Variants in MYOM1 observed in about 807,000 individuals in gnomAD.
MYOM1 encodes myomesin 1.
In MYOM1, 164 loss-of-function variants were observed where a neutral mutation model predicts 205.3. The observed-to-expected ratio is 0.80, with a 90% CI of 0.70 to 0.91. The LOEUF (loss-of-function observed/expected upper bound fraction) is 0.91. Among genes scored for constraint, MYOM1 ranks in the 40% least tolerant of loss-of-function variants. The probability of loss-of-function intolerance (pLI) is 0.00; values close to 1 mark genes in which losing one functional copy is unlikely to be tolerated. For missense variants in MYOM1, 2,011 were observed against 2,127.3 expected (o/e 0.95, Z 1.08); for synonymous variants, 772 against 789.4 (o/e 0.98, Z 0.37).
At chr18:3,186,810 A>AAG (rs1567956824) in intron 5 of MYOM1, among the ~76,000 whole-genome samples, 2 of 144,698 alleles carry the variant, frequency 1.4e-5, no homozygotes, top group Admixed American at 6.7e-5. Context: ...AAGAGAAAGA[A>AAG]AGAAAGAAAG....
intron 16 of MYOM1, among the ~76,000 whole-genome samples, chr18:3,132,202 A>G (rs2079888676): frequency 1.3e-5 from 2 of 150,878 alleles, no homozygotes; most frequent in African/African-American, 4.9e-5. Flanking sequence ...CCCAGGCTGG[A>G]GTGCAGTAGT....
chr18:3,095,633 G>A (rs531858796), intron 25 of MYOM1, among the ~76,000 whole-genome samples: 113 of 152,244 alleles, frequency 7.4e-4, no homozygotes, highest in African/African-American at 2.6e-3. Flanking sequence ...TGTGAATAGT[G>A]GTCTGTGTTC....
At chr18:3,195,896 T>C (rs2080986152) in intron 2 of MYOM1, among the ~76,000 whole-genome samples, 1 of 152,172 alleles carries the variant, frequency 6.6e-6, no homozygotes, top group African/African-American at 2.4e-5. Context: ...TTTTTAATAG[T>C]TGAACTTTAT....
chr18:3,152,084 A>T lies in MYOM1; in HGVS notation c.1644-191T>A, dbSNP rs1376257066. ...TCAAATGCACTGTGTCTTCTTTACCAAGAGGAAAGAAGCCTCAGGTCCTTC... is the reference window on the plus strand; with the variant it reads ...TCAAATGCACTGTGTCTTCTTTACCTAGAGGAAAGAAGCCTCAGGTCCTTC... On this transcript the variant is annotated intron_variant, in intron 11 of 37. Transcript: ENST00000356443. The surrounding 1 kb of genome is among the most constrained non-coding windows in gnomAD (Gnocchi z 4.3). Among the ~76,000 whole-genome samples, 2 of 152,082 alleles carry T rather than the reference A, an allele frequency of 1.3e-5. No individual in the cohort carries two copies. The highest frequency in any genetic ancestry group is 2.9e-5 in the Non-Finnish European group (2 of 68,020).
At chr18:3,090,889 A>AC (rs1241042638) in intron 26 of MYOM1, 87 bp from the exon 27 acceptor site, 2 of 1,532,648 alleles carry the variant, frequency 1.3e-6, no homozygotes, top group Non-Finnish European at 8.9e-7. Context: ...ATAAAAATAA[A>AC]CCCCAAAGGC....
intron 2 of MYOM1, among the ~76,000 whole-genome samples, chr18:3,195,386 T>C (rs1208077367): frequency 6.6e-6 from 1 of 152,190 alleles, no homozygotes; most frequent in East Asian, 1.9e-4. Context: ...AGGGTGACAT[T>C]TGTTCCTGGC....
chr18:3,246,643 C>T, the MYOM1 span: 5 of 152,192 alleles, frequency 3.3e-5, no homozygotes, highest in African/African-American at 1.2e-4. Context: ...TACTATTCCG[C>T]GGCGTTTACA....
chr18:3,211,487 C>T (rs1160592659), intron 2 of MYOM1, among the ~76,000 whole-genome samples: 1 of 152,176 alleles, frequency 6.6e-6, no homozygotes, highest in African/African-American at 2.4e-5. Context: ...CTACTGAAAC[C>T]ATTCATGGAC....
chr18:3,206,901 A>G (rs2081130038), intron 2 of MYOM1, among the ~76,000 whole-genome samples: 1 of 152,180 alleles, frequency 6.6e-6, no homozygotes, highest in South Asian at 2.1e-4. Flanking sequence ...TGATGTCAAA[A>G]TAAATAGCCT....
intron 23 of MYOM1, among the ~76,000 whole-genome samples, 175 bp downstream of exon 23, chr18:3,102,299 C>T (rs948607469): frequency 2.4e-4 from 36 of 152,022 alleles, no homozygotes; most frequent in Admixed American, 1.3e-4. Flanking sequence ...CCACCGCGCT[C>T]GGCCTAGGAT....
intron 2 of MYOM1, among the ~76,000 whole-genome samples, chr18:3,194,796 C>A (rs1400776083): frequency 7.9e-6 from 1 of 125,788 alleles, no homozygotes; most frequent in Non-Finnish European, 1.8e-5. Flanking sequence ...AATCCATGAA[C>A]TTGGGGCTAA....
At chr18:3,203,721 C>A (rs943559894) in intron 2 of MYOM1, among the ~76,000 whole-genome samples, 1 of 148,470 alleles carries the variant, frequency 6.7e-6, no homozygotes, top group African/African-American at 2.5e-5. Context: ...TAATACCAAT[C>A]ATTTCTCTTT....
intron 8 of MYOM1, among the ~76,000 whole-genome samples, chr18:3,171,045 G>T (rs1026440634): frequency 1.3e-5 from 2 of 152,062 alleles, no homozygotes; most frequent in Non-Finnish European, 2.9e-5. Flanking sequence ...ATGCTATTAG[G>T]TAAGTACCAC....
Position 3,201,651 on chromosome 18 carries a change from C to CT in MYOM1, c.291-7694dup, listed in dbSNP as rs1196638648. Among the ~76,000 whole-genome samples, 1,088 of 141,664 alleles carry CT rather than the reference C, an allele frequency of 7.7e-3. 10 individuals are homozygous for CT. The highest frequency in any genetic ancestry group is 0.022 in the African/African-American group (851 of 38,878). The allele number at this position is 141,664 out of a possible 152,430, so 92.9% of individuals were successfully genotyped here. On this transcript the variant is annotated intron_variant, in intron 2 of 37. Transcript: ENST00000356443. ...TTTTACATATATATTCTATTAAATT[C>CT]TTTTTTTTTTTTTTGAGACAGAGTC...
At chr18:3,145,986 CT>C (rs2080116757) in intron 13 of MYOM1, among the ~76,000 whole-genome samples, 1 of 151,902 alleles carries the variant, frequency 6.6e-6, no homozygotes, top group African/African-American at 2.4e-5. Context: ...ATATGAACAA[CT>C]TTATGAATGA....
At chr18:3,228,780 C>T in the MYOM1 span, among the ~76,000 whole-genome samples, 1 of 152,220 alleles carries the variant, frequency 6.6e-6, no homozygotes, top group South Asian at 2.1e-4. The surrounding 1 kb of genome is among the most constrained non-coding windows in gnomAD (Gnocchi z 4.5). Flanking sequence ...CGCGCGTGAC[C>T]GAGGCCACCA....
chr18:3,236,858 T>C, the MYOM1 span, among the ~76,000 whole-genome samples: 14 of 152,124 alleles, frequency 9.2e-5, no homozygotes. Flanking sequence ...TCCATGTGAT[T>C]AGCGAAATTA....
intron 22 of MYOM1, among the ~76,000 whole-genome samples, chr18:3,111,838 A>T (rs966171164): frequency 1.3e-5 from 2 of 152,188 alleles, no homozygotes; most frequent in Non-Finnish European, 2.9e-5. Context: ...GGCCCTCCAC[A>T]GAAAAAGTTT....
chr18:3,246,492 G>A, the MYOM1 span: 1 of 152,178 alleles, frequency 6.6e-6, no homozygotes, highest in Non-Finnish European at 1.5e-5. Flanking sequence ...GATCACTTTT[G>A]TTTCAATCAC....
Sources: allele counts gnomAD v4.1 joint callset (sites outside exome capture counted in the v4.1 genomes callset), GRCh38; gene constraint gnomAD v4.1.1; non-coding constraint Gnocchi (gnomAD v3.1); transcripts MANE v1.5; gene names NCBI Gene and HGNC (gene_info 2026-07-23, HGNC 2026-07-21).